EPHA7: variants seen among roughly 807,000 people sequenced by gnomAD.
EPHA7 encodes the protein ephrin type-A receptor 7.
EPHA7 carries 25 observed loss-of-function variants against 112.6 expected under a neutral mutation model. That is an observed-to-expected ratio of 0.22 (90% CI 0.16 to 0.31). The LOEUF is 0.31. EPHA7 is among the 10% of genes least tolerant of loss of function. The pLI is 1.00. For missense variants in EPHA7, 962 were observed against 1,212.6 expected, an observed-to-expected ratio of 0.79 and a Z score of 3.07; for synonymous variants, 437 against 406.5, an observed-to-expected ratio of 1.07 and a Z score of -0.90.
chr6:93,269,913 T>C (rs1175436514), intron 6 of EPHA7, among the ~76,000 whole-genome samples: 1 of 151,774 alleles, frequency 6.6e-6, no homozygotes, highest in Admixed American at 6.6e-5. Context: ...TTCGCAGAAG[T>C]AATATGTGAC....
intron 15 of EPHA7, among the ~76,000 whole-genome samples, chr6:93,246,041 G>T (rs73537484): frequency 1.6e-3 from 243 of 151,638 alleles, no homozygotes; most frequent in African/African-American, 5.6e-3. Context: ...ATCATGTATT[G>T]AATTTTTTTT....
intron 3 of EPHA7, among the ~76,000 whole-genome samples, chr6:93,359,854 T>TAGAGAGAGAGAGAGAGAGAGAGAG (rs57690732): frequency 2.4e-5 from 3 of 125,230 alleles, no homozygotes; most frequent in Non-Finnish European, 3.4e-5. Flanking sequence ...CAATAGATGA[T>TAGAGAGAGAGAGAGAGAGAGAGAG]AGAGAGAGAG....
chr6:93,405,811 GTGTATA>G (rs1373909345), intron 3 of EPHA7, among the ~76,000 whole-genome samples: 37 of 58,950 alleles, frequency 6.3e-4, no homozygotes, highest in African/African-American at 1.7e-3. Context: ...GTGTGTGTGT[GTGTATA>G]TATATATATA....
chr6:93,390,637 G>GT (rs1332912842), intron 3 of EPHA7, among the ~76,000 whole-genome samples: 9 of 150,270 alleles, frequency 6.0e-5, no homozygotes, highest in Non-Finnish European at 1.0e-4. Context: ...TAGAAAAATT[G>GT]TAACAATTAG....
chr6:93,292,899 C>A (rs919521681), intron 5 of EPHA7, among the ~76,000 whole-genome samples: 2 of 152,022 alleles, frequency 1.3e-5, no homozygotes, highest in South Asian at 4.1e-4. Context: ...TAATTGTTTG[C>A]ACTCATTTTG....
chr6:93,376,836 C>T (rs1244112754), intron 3 of EPHA7, among the ~76,000 whole-genome samples: 1 of 152,126 alleles, frequency 6.6e-6, no homozygotes, highest in Non-Finnish European at 1.5e-5. Flanking sequence ...TCTTTCTTTT[C>T]TTAAGTTCTC....
intron 5 of EPHA7, among the ~76,000 whole-genome samples, chr6:93,273,222 T>A (rs1376133066): frequency 6.6e-6 from 1 of 151,988 alleles, no homozygotes; most frequent in Non-Finnish European, 1.5e-5. Context: ...TGTAGCAAAC[T>A]AATTTGCTCG....
At chr6:93,261,004 A>G (rs1469410807) in intron 9 of EPHA7, among the ~76,000 whole-genome samples, 1 of 151,524 alleles carries the variant, frequency 6.6e-6, no homozygotes, top group Non-Finnish European at 1.5e-5. Context: ...TAAGGGAGCT[A>G]GATTGGAGGT....
chr6:93,294,187 C>CT (rs1772534692), intron 5 of EPHA7, among the ~76,000 whole-genome samples: 1 of 152,136 alleles, frequency 6.6e-6, no homozygotes, highest in South Asian at 2.1e-4. Flanking sequence ...AGGATGTTAG[C>CT]TATGGAAAAA....
chr6:93,389,073 T>C lies in EPHA7; in HGVS notation c.832+21428A>G, dbSNP rs140823589. On this transcript the variant is annotated intron_variant, in intron 3 of 16. Coordinates refer to ENST00000369303, the MANE Select transcript of EPHA7 (RefSeq NM_004440.4). ...GTAGGATGTACAGAAATTGACAGAA[T>C]AGATTTTGGAGATATTTGGAGAGAG... Among the ~76,000 whole-genome samples, 3 of 152,152 alleles carry C rather than the reference T, an allele frequency of 2.0e-5. No homozygotes were observed. In the South Asian group the frequency reaches 6.2e-4, roughly 32 times the overall value.
At chr6:93,297,020 AT>A (rs1197756670) in intron 5 of EPHA7, among the ~76,000 whole-genome samples, 6 of 151,852 alleles carry the variant, frequency 4.0e-5, no homozygotes, top group Non-Finnish European at 7.4e-5. Context: ...TATAGTAATC[AT>A]TTTATTATCT....
At chr6:93,246,584 G>A (rs1769961419) in intron 15 of EPHA7, among the ~76,000 whole-genome samples, 2 of 152,042 alleles carry the variant, frequency 1.3e-5, no homozygotes, top group African/African-American at 2.4e-5. Context: ...TTTAAAAAAT[G>A]CAATAACTAA....
At chr6:93,332,276 G>T (rs1774632994) in intron 5 of EPHA7, among the ~76,000 whole-genome samples, 1 of 151,404 alleles carries the variant, frequency 6.6e-6, no homozygotes, top group Non-Finnish European at 1.5e-5. Flanking sequence ...AAAAAAACTT[G>T]AGAAAAGCAA....
At chr6:93,246,527 C>T (rs979599258) in intron 15 of EPHA7, among the ~76,000 whole-genome samples, 1 of 151,936 alleles carries the variant, frequency 6.6e-6, no homozygotes, top group Non-Finnish European at 1.5e-5. Context: ...CACAAAAATC[C>T]AGTTTATAAA....
chr6:93,359,456 G>T (rs1298042729), intron 3 of EPHA7, among the ~76,000 whole-genome samples: 2 of 150,794 alleles, frequency 1.3e-5, no homozygotes, highest in African/African-American at 4.9e-5. Flanking sequence ...TTCATATTTA[G>T]CTAAAAGAAA....
chr6:93,408,133 C>T (rs1456868380), intron 3 of EPHA7, among the ~76,000 whole-genome samples: 1 of 151,940 alleles, frequency 6.6e-6, no homozygotes, highest in Non-Finnish European at 1.5e-5. Flanking sequence ...CCTATCTTTT[C>T]TCAGATAAAT....
intron 5 of EPHA7, among the ~76,000 whole-genome samples, chr6:93,308,035 G>C (rs1773345410): frequency 6.6e-6 from 1 of 152,164 alleles, no homozygotes; most frequent in Non-Finnish European, 1.5e-5. Flanking sequence ...TTGGTGCAGG[G>C]TGTAGGCTGG....
At chr6:93,261,716 A>G (rs543981608) in intron 9 of EPHA7, among the ~76,000 whole-genome samples, 1 of 151,664 alleles carries the variant, frequency 6.6e-6, no homozygotes, top group South Asian at 2.1e-4. Flanking sequence ...ATATCTTAAA[A>G]CCACCATTGC....
chr6:93,350,951 A>C (rs952184959), intron 5 of EPHA7, among the ~76,000 whole-genome samples: 11 of 152,030 alleles, frequency 7.2e-5, no homozygotes, highest in African/African-American at 2.7e-4. Flanking sequence ...TCCAGTTCAT[A>C]CCATTATTCC....
Sources: allele counts gnomAD v4.1 joint callset (sites outside exome capture counted in the v4.1 genomes callset), GRCh38; gene constraint gnomAD v4.1.1; transcripts MANE v1.5; gene names NCBI Gene and HGNC (gene_info 2026-07-23, HGNC 2026-07-21).